The following RAPGEF2 variants were observed in gnomAD, a reference collection of about 807,000 sequenced individuals.
RAPGEF2 encodes Rap guanine nucleotide exchange factor 2.
RAPGEF2 carries 54 observed loss-of-function variants against 186.7 expected under a neutral mutation model. The ratio of observed to expected loss-of-function variants is 0.29; its 90% CI spans 0.23 to 0.36. RAPGEF2 has a LOEUF of 0.36. Ranked by LOEUF, RAPGEF2 falls within the 10% of genes least tolerant of loss-of-function variation. The pLI, the probability that RAPGEF2 is intolerant of heterozygous loss-of-function variation, is 1.00. For missense variants in RAPGEF2, 1,532 were observed against 2,045.0 expected, an observed-to-expected ratio of 0.75 and a Z score of 4.84; for synonymous variants, 712 against 705.9, an observed-to-expected ratio of 1.01 and a Z score of -0.14.
At chr4:159,263,253 G>A (rs1757071265) in intron 7 of RAPGEF2, among the ~76,000 whole-genome samples, 1 of 152,072 alleles carries the variant, frequency 6.6e-6, no homozygotes, top group East Asian at 1.9e-4. Flanking sequence ...AAAAGAAAAT[G>A]CACTATTAAT....
Position 159,351,030 on chromosome 4 carries a change from T to A in RAPGEF2, c.3865+741T>A, listed in dbSNP as rs138262259. Reference sequence around the variant, plus strand: ...CTCCTGTCCTTGTTACATGGATGCATCTCAATTCTTTTCTCATCCTGTTGT... The same window carrying A: ...CTCCTGTCCTTGTTACATGGATGCAACTCAATTCTTTTCTCATCCTGTTGT... On this transcript the variant is annotated intron_variant, in intron 26 of 29. Coordinates refer to ENST00000691494, the MANE Select transcript of RAPGEF2 (RefSeq NM_001394067.2). 52 of 1,517,658 alleles carry A rather than the reference T, an allele frequency of 3.4e-5. No individual in the cohort carries two copies. The East Asian group carries it at 8.1e-4, about 24-fold the overall frequency. 94.0% of individuals were successfully genotyped at this position (1,517,658 alleles called of 1,614,324 possible).
In RAPGEF2 at chr4:159,358,161, A is replaced by G; in HGVS notation, c.*22A>G. 2 of 1,609,274 alleles carry G rather than the reference A, an allele frequency of 1.2e-6. No homozygotes were observed. Among genetic ancestry groups the G allele is most frequent in the Non-Finnish European group, 1.7e-6 (2 of 1,177,286 alleles). ...TTGAGGCACAGACTTTTCTGGAAGC[A>G]GAGCGAGCCACCTGAAAGGAGAGCA... On this transcript the variant is annotated 3_prime_UTR_variant, in exon 30 of 30. Coordinates refer to ENST00000691494, the MANE Select transcript of RAPGEF2 (RefSeq NM_001394067.2).
rs1357589868 is a variant in RAPGEF2 at position 159,358,591 on chromosome 4, T to G, written c.*452T>G. On this transcript the variant is annotated 3_prime_UTR_variant, in exon 30 of 30. Coordinates refer to ENST00000691494, the MANE Select transcript of RAPGEF2 (RefSeq NM_001394067.2). ...TAGCCATTGAACTACTTGGGGCCTT[T>G]AACCCACCAAGGAAGACAAAGAAAA... 6.3e-6 allele frequency: 1 copy of G among 159,616 alleles called. No homozygotes were observed. The highest frequency in any genetic ancestry group is 1.8e-4 in the East Asian group (1 of 5,488). 9.9% of individuals were successfully genotyped at this position (159,616 alleles called of 1,614,324 possible). A position where few individuals can be genotyped will look rare whatever the true frequency, so the allele number is the denominator to read the frequency against.
chr4:159,251,877 C>G (rs1446862938), intron 7 of RAPGEF2, among the ~76,000 whole-genome samples: 2 of 151,752 alleles, frequency 1.3e-5, no homozygotes, highest in African/African-American at 4.8e-5. Context: ...GGGTTCGTTT[C>G]CACAGCGTGG....
intron 8 of RAPGEF2, among the ~76,000 whole-genome samples, chr4:159,306,936 G>C (rs1022196108): frequency 2.9e-3 from 1 of 342 alleles, no homozygotes; most frequent in Admixed American, 0.019. Context: ...AGAGCTATGG[G>C]ATTCAAAACT....
intron 7 of RAPGEF2, among the ~76,000 whole-genome samples, chr4:159,294,658 C>CCTTCCTTCCTTA: frequency 6.7e-6 from 1 of 149,246 alleles, no homozygotes; most frequent in African/African-American, 2.5e-5. Flanking sequence ...TTCCTTCCTT[C>CCTTCCTTCCTTA]CTTCCTTCCT....
intron 1 of RAPGEF2, among the ~76,000 whole-genome samples, chr4:159,170,415 AACAAT>A (rs1414753054): frequency 2.0e-5 from 3 of 152,236 alleles, no homozygotes; most frequent in East Asian, 1.9e-4. Flanking sequence ...CCAATAAACA[AACAAT>A]ACAACAGTAA....
intron 4 of RAPGEF2, among the ~76,000 whole-genome samples, chr4:159,221,260 C>T (rs968269925): frequency 2.0e-5 from 3 of 152,196 alleles, no homozygotes; most frequent in African/African-American, 7.2e-5. Flanking sequence ...AGGTTACAGG[C>T]TTCCACCCTT....
intron 24 of RAPGEF2, 120 bp from the exon 25 acceptor site, chr4:159,346,669 G>T: frequency 7.4e-6 from 6 of 814,128 alleles, no homozygotes; most frequent in African/African-American, 5.1e-5. Context: ...AGGAAGAAAG[G>T]TGTGCATTAA....
intron 1 of RAPGEF2, among the ~76,000 whole-genome samples, chr4:159,110,696 T>G (rs747749676): frequency 5.9e-5 from 9 of 152,216 alleles, no homozygotes; most frequent in Non-Finnish European, 1.0e-4. Context: ...ACTTCTGAAT[T>G]TAAGCAGGCA....
intron 7 of RAPGEF2, among the ~76,000 whole-genome samples, chr4:159,303,694 A>G (rs988711203): frequency 6.6e-6 from 1 of 152,038 alleles, no homozygotes; most frequent in African/African-American, 2.4e-5. Context: ...AGAACACGTA[A>G]GGGATACTTA....
At chr4:159,291,999 C>G (rs978927955) in intron 7 of RAPGEF2, among the ~76,000 whole-genome samples, 1 of 152,002 alleles carries the variant, frequency 6.6e-6, no homozygotes, top group African/African-American at 2.4e-5. Context: ...TTTCTTTATA[C>G]CCTTCCATAG....
At position 159,314,531 on chromosome 4, in the gene RAPGEF2, T is replaced by G. The variant is rs1018468570; in HGVS notation, c.676-60T>G. On this transcript the variant is annotated intron_variant, in intron 8 of 29. Transcript: ENST00000691494. ...TTGAATGAGGCTTGCTCTTGTTTCT[T>G]TGGGCCCCAAAGATTTATTTACTTA... is the stretch of plus-strand genomic sequence containing the variant. The G allele has an allele frequency of 2.8e-6, 4 of 1,432,278 alleles. No individual in the cohort carries two copies. The African/African-American group carries it at 5.8e-5, about 21-fold the overall frequency. The allele number at this position is 1,432,278 out of a possible 1,614,324, so 88.7% of individuals were successfully genotyped here.
At chr4:159,297,188 C>A (rs1014112629) in intron 7 of RAPGEF2, among the ~76,000 whole-genome samples, 1 of 152,132 alleles carries the variant, frequency 6.6e-6, no homozygotes, top group African/African-American at 2.4e-5. Context: ...AACTCTAAAA[C>A]ATTATCATAA....
chr4:159,354,144 C>T, intron 28 of RAPGEF2, 98 bp downstream of exon 28: 1 of 1,244,586 alleles, frequency 8.0e-7, no homozygotes, highest in African/African-American at 1.5e-5. Context: ...TTCTTTTCCT[C>T]ATTTTCTCCA....
chr4:159,144,445 A>G (rs1742683871), intron 1 of RAPGEF2, among the ~76,000 whole-genome samples: 1 of 152,212 alleles, frequency 6.6e-6, no homozygotes, highest in African/African-American at 2.4e-5. Context: ...TATTGCGTGT[A>G]GGAACTCAGT....
chr4:159,293,716 A>C (rs1366396384), intron 7 of RAPGEF2, among the ~76,000 whole-genome samples: 1 of 152,254 alleles, frequency 6.6e-6, no homozygotes, highest in African/African-American at 2.4e-5. Flanking sequence ...TCTCCTTTTC[A>C]TAAATCTGAT....
chr4:159,195,334 A>G (rs765642384), intron 3 of RAPGEF2, among the ~76,000 whole-genome samples: 10 of 152,238 alleles, frequency 6.6e-5, no homozygotes, highest in Non-Finnish European at 8.8e-5. Context: ...ACTGGCATTT[A>G]TCAAAGCAGT....
At chr4:159,234,445 C>T (rs7673030) in intron 4 of RAPGEF2, among the ~76,000 whole-genome samples, 3,052 of 151,184 alleles carry the variant, frequency 0.02, 27 homozygotes, top group Middle Eastern at 0.068. Flanking sequence ...TGTAGTGGAA[C>T]GATCTCGTCT....
Sources: allele counts gnomAD v4.1 joint callset (sites outside exome capture counted in the v4.1 genomes callset), GRCh38; gene constraint gnomAD v4.1.1; transcripts MANE v1.5; gene names NCBI Gene and HGNC (gene_info 2026-07-23, HGNC 2026-07-21).